VLDLR: variants seen among roughly 807,000 people sequenced by gnomAD.
The protein encoded by VLDLR is very low density lipoprotein receptor, also known as very low-density lipoprotein receptor.
Under a neutral mutation model 112.7 loss-of-function variants are expected in VLDLR, and 81 were observed. The observed-to-expected ratio is 0.72, with a 90% CI of 0.60 to 0.86. The LOEUF is 0.86. Among genes scored for constraint, VLDLR ranks in the 40% least tolerant of loss-of-function variants. The pLI is 0.00. For missense variants in VLDLR, 1,237 were observed against 1,099.4 expected, an observed-to-expected ratio of 1.13 and a Z score of -1.77; for synonymous variants, 436 against 384.8, an observed-to-expected ratio of 1.13 and a Z score of -1.56.
intron 1 of VLDLR, among the ~76,000 whole-genome samples, chr9:2,625,587 T>C (rs150971214): frequency 3.5e-3 from 537 of 152,344 alleles, no homozygotes; most frequent in Non-Finnish European, 5.4e-3. Context: ...ATGAGGTCTA[T>C]AATGATGTTC....
chr9:2,650,498 A>T lies in VLDLR; in HGVS notation c.2233A>T (p.Asn745Tyr), dbSNP rs767240000. Residue 745 changes from asparagine (N) to tyrosine (Y), a missense_variant, in exon 15 of 19, where the codon AAT becomes TAT. Transcript: ENST00000382100. The part of the protein sequence containing the change: ...SCPSGYNVEE[N>Y]GRDCQSTATT... ...TCCCAGTGGGTACAATGTAGAGGAA[A>T]ATGGCCGAGACTGTCAAAGTAAGGC... 1.4e-5 allele frequency: 23 copies of T among 1,613,780 alleles called. No homozygotes were observed. The highest frequency in any genetic ancestry group is 1.8e-5 in the Non-Finnish European group (21 of 1,180,014).
At chr9:2,638,856 G>T (rs1817710821) in intron 2 of VLDLR, among the ~76,000 whole-genome samples, 1 of 152,176 alleles carries the variant, frequency 6.6e-6, no homozygotes, top group African/African-American at 2.4e-5. Flanking sequence ...CAGCTTCAAT[G>T]ACTTTTAGCT....
rs1396135656 is a variant in VLDLR at position 2,658,223 on chromosome 9, A to T, written c.*4355A>T. ...TTTACCAGTGAGGCTCTAGATATGA[A>T]ACTTAGGGATCCATAGATAAATAAG... On this transcript the variant is annotated 3_prime_UTR_variant, in exon 19 of 19. Transcript: ENST00000382100. 1 of 152,198 alleles carries T rather than the reference A, an allele frequency of 6.6e-6. No individual in the cohort carries two copies. Among genetic ancestry groups the T allele is most frequent in the African/African-American group, 2.4e-5 (1 of 41,448 alleles). The allele number at this position is 152,198 out of a possible 1,614,324, so 9.4% of individuals were successfully genotyped here. A position where few individuals can be genotyped will look rare whatever the true frequency, so the allele number is the denominator to read the frequency against.
chr9:2,654,200 C>T lies in VLDLR; in HGVS notation c.*332C>T. 1 of 349,076 alleles carries T rather than the reference C, an allele frequency of 2.9e-6. No homozygotes were observed. The highest frequency in any genetic ancestry group is 2.8e-5 in the South Asian group (1 of 35,206). 21.6% of individuals were successfully genotyped at this position (349,076 alleles called of 1,614,324 possible). A position where few individuals can be genotyped will look rare whatever the true frequency, so the allele number is the denominator to read the frequency against. ...TGTGCTATAGTGTATACCACCTGTA[C>T]ATACATTGTATAGGCCATCTGTAAA... On this transcript the variant is annotated 3_prime_UTR_variant, in exon 19 of 19. Transcript: ENST00000382100.
chr9:2,630,758 A>G (rs1221577589), intron 1 of VLDLR, among the ~76,000 whole-genome samples: 1 of 152,254 alleles, frequency 6.6e-6, no homozygotes, highest in Non-Finnish European at 1.5e-5. Context: ...CCTCTAGGAC[A>G]TTGGTCTAGA....
At chr9:2,633,820 T>C (rs1817476279) in intron 1 of VLDLR, among the ~76,000 whole-genome samples, 1 of 152,094 alleles carries the variant, frequency 6.6e-6, no homozygotes, top group Non-Finnish European at 1.5e-5. Context: ...ATTGAGAATA[T>C]TGCAAACATA....
intron 2 of VLDLR, 42 bp downstream of exon 2, chr9:2,635,614 T>C (rs776586018): frequency 6.2e-7 from 1 of 1,613,324 alleles, no homozygotes; most frequent in Non-Finnish European, 8.5e-7. Context: ...TGTTAAAATA[T>C]GATGTTATCT....
intron 1 of VLDLR, among the ~76,000 whole-genome samples, chr9:2,632,730 G>C (rs1210847848): frequency 1.3e-5 from 2 of 152,034 alleles, no homozygotes; most frequent in Non-Finnish European, 2.9e-5. Flanking sequence ...TTCCAGTCAG[G>C]TGGCTAAGGG....
intron 2 of VLDLR, among the ~76,000 whole-genome samples, chr9:2,639,074 A>G (rs1817719563): frequency 6.6e-6 from 1 of 152,206 alleles, no homozygotes; most frequent in Non-Finnish European, 1.5e-5. Flanking sequence ...TTGTTAGGGG[A>G]TGCCCCTTGA....
intron 1 of VLDLR, among the ~76,000 whole-genome samples, chr9:2,622,980 C>G (rs1260755687): frequency 6.6e-6 from 1 of 152,244 alleles, no homozygotes; most frequent in Non-Finnish European, 1.5e-5. Flanking sequence ...CGTTTGGAAA[C>G]CGCTCGGGTC....
In VLDLR at chr9:2,657,402, C is replaced by G. The variant is rs1305645798; in HGVS notation, c.*3534C>G. The G allele has an allele frequency of 6.6e-6, 1 of 152,202 alleles. No homozygotes were observed. Among genetic ancestry groups the G allele is most frequent in the African/African-American group, 2.4e-5 (1 of 41,468 alleles). The allele number at this position is 152,202 out of a possible 1,614,324, so 9.4% of individuals were successfully genotyped here. A position where few individuals can be genotyped will look rare whatever the true frequency, so the allele number is the denominator to read the frequency against. ...TCTTGATCCCCAAATCTGAGCCCTT[C>G]AGTTTCATAATTGTTTTATCCTGAA... On this transcript the variant is annotated 3_prime_UTR_variant, in exon 19 of 19. Coordinates refer to ENST00000382100, the MANE Select transcript of VLDLR (RefSeq NM_003383.5).
At chr9:2,646,944 G>A (rs1381201891) in intron 11 of VLDLR, among the ~76,000 whole-genome samples, 1 of 152,230 alleles carries the variant, frequency 6.6e-6, no homozygotes, top group Non-Finnish European at 1.5e-5. Flanking sequence ...GAATTGTGAG[G>A]ATTTGGGTAA....
Position 2,650,396 on chromosome 9 carries a change from G to C in VLDLR, c.2131G>C (p.Glu711Gln), listed in dbSNP as rs1441149942. The C allele has an allele frequency of 6.2e-7, 1 of 1,613,936 alleles. No individual in the cohort carries two copies. The highest frequency in any genetic ancestry group is 8.5e-7 in the Non-Finnish European group (1 of 1,180,000). Residue 711 changes from glutamate (E) to glutamine (Q), a missense_variant, in exon 15 of 19, where the codon GAG (glutamate) becomes CAG (glutamine). Transcript: ENST00000382100. ...TAAAAATTGGTGTGAAGAAGACATG[G>C]AGAATGGAGGATGTGAATACCTATG... ...SGKNWCEEDMENGGCEYLCLP... is the reference protein window; with the variant it reads ...SGKNWCEEDMQNGGCEYLCLP...
intron 17 of VLDLR, among the ~76,000 whole-genome samples, chr9:2,652,479 C>T (rs973604740): frequency 1.3e-5 from 2 of 152,152 alleles, no homozygotes; most frequent in African/African-American, 4.8e-5. Flanking sequence ...ACGCCAGGAC[C>T]ACCTGAATAG....
intron 1 of VLDLR, among the ~76,000 whole-genome samples, chr9:2,630,421 G>T (rs1426722471): frequency 6.6e-6 from 1 of 152,074 alleles, no homozygotes; most frequent in Non-Finnish European, 1.5e-5. Context: ...CAAGCAATGA[G>T]TAAGGGCATG....
chr9:2,651,803 C>A (rs1818356791), intron 16 of VLDLR, 71 bp from the exon 17 acceptor site: 1 of 1,574,464 alleles, frequency 6.4e-7, no homozygotes, highest in Non-Finnish European at 8.7e-7. Context: ...GTTTTGGCTC[C>A]TTACCTGATG....
rs1194236132 is a variant in VLDLR, at chr9:2,659,097, C to G, written c.*5229C>G. 1.3e-5 allele frequency: 2 copies of G among 152,174 alleles called. No homozygotes were observed. Among genetic ancestry groups the G allele is most frequent in the South Asian group, 2.1e-4 (1 of 4,830 alleles). 9.4% of individuals were successfully genotyped at this position (152,174 alleles called of 1,614,324 possible). On this transcript the variant is annotated 3_prime_UTR_variant, in exon 19 of 19. Coordinates refer to ENST00000382100, the MANE Select transcript of VLDLR (RefSeq NM_003383.5). ...ACTTAAAATCTCCTTTAAATTCTTA[C>G]CATATGCTTACTTTTGTACTAAGTA... is the stretch of plus-strand genomic sequence containing the variant.
chr9:2,643,488 TG>T lies in VLDLR; in HGVS notation c.781del (p.Asp261ThrfsTer72). 6.2e-7 allele frequency: 1 copy of T among 1,614,218 alleles called. No individual in the cohort carries two copies. Among genetic ancestry groups the T allele is most frequent in the Non-Finnish European group, 8.5e-7 (1 of 1,180,038 alleles). ...GCATCCATAAGAAGTGGCGATGTGA[TG>T]GGGACCCTGACTGCAAGGATGGCAG... ...ECIHKKWRCD[G>X]DPDCKDGSDE... is the part of the protein sequence containing the mutation. On this transcript the variant is annotated frameshift_variant, in exon 5 of 19. Transcript: ENST00000382100. LOFTEE classifies it high-confidence loss of function.
chr9:2,651,941 C>T lies in VLDLR; in HGVS notation c.2403C>T (p.Ala801=). ...VPPKGTSAAW[A]ILPLLLLVMA... The stretch of plus-strand genomic sequence containing the variant: ...CAAAAGGGACTTCTGCCGCATGGGC[C>T]ATTCTTCCTCTCTGTAAGTAGATTT... The change falls in exon 17 of 19, where the codon GCC becomes GCT. Residue 801 remains alanine, a synonymous_variant. Transcript: ENST00000382100. 2 of 1,614,042 alleles carry T rather than the reference C, an allele frequency of 1.2e-6. No individual in the cohort carries two copies. Among genetic ancestry groups the T allele is most frequent in the Non-Finnish European group, 1.7e-6 (2 of 1,179,946 alleles).
Sources: allele counts gnomAD v4.1 joint callset (sites outside exome capture counted in the v4.1 genomes callset), GRCh38; gene constraint gnomAD v4.1.1; transcripts MANE v1.5; gene names NCBI Gene and HGNC (gene_info 2026-07-23, HGNC 2026-07-21).